Variants in CADM2 observed in about 807,000 individuals in gnomAD.
CADM2 encodes cell adhesion molecule 2.
CADM2 carries 12 observed loss-of-function variants against 49.8 expected under a neutral mutation model. The ratio of observed to expected loss-of-function variants is 0.24; its 90% confidence interval spans 0.15 to 0.39. The LOEUF (loss-of-function observed/expected upper bound fraction) is 0.39, where lower values mean the gene tolerates loss of function less well. Ranked by LOEUF, CADM2 falls within the 10% of genes least tolerant of loss-of-function variation. The pLI is 1.00. For missense variants in CADM2, 378 were observed against 492.3 expected, an observed-to-expected ratio of 0.77 and a Z score of 2.20; for synonymous variants, 214 against 175.4, an observed-to-expected ratio of 1.22 and a Z score of -1.74.
intron 1 of CADM2, among the ~76,000 whole-genome samples, chr3:85,456,660 A>G (rs1576589383): frequency 6.6e-6 from 1 of 152,054 alleles, no homozygotes; most frequent in Admixed American, 6.5e-5. Context: ...AATAAATTTT[A>G]CTTTGGTTTC....
chr3:85,836,417 A>T (rs1356971714), intron 3 of CADM2, among the ~76,000 whole-genome samples: 4 of 151,830 alleles, frequency 2.6e-5, no homozygotes, highest in South Asian at 4.1e-4. Context: ...AATAATTAAA[A>T]TTTTTTAGAA....
At chr3:85,010,500 A>G (rs2033936101) in intron 1 of CADM2, among the ~76,000 whole-genome samples, 1 of 152,170 alleles carries the variant, frequency 6.6e-6, no homozygotes, top group African/African-American at 2.4e-5. Context: ...CCATAATTCT[A>G]TTACTGACTT....
chr3:85,107,599 TTCTC>T (rs1280186648), intron 1 of CADM2, among the ~76,000 whole-genome samples: 1 of 149,320 alleles, frequency 6.7e-6, no homozygotes, highest in Non-Finnish European at 1.5e-5. Context: ...CTTTCTTTCT[TTCTC>T]TTTCTTTTTC....
At chr3:85,467,115 T>C (rs1038760046) in intron 1 of CADM2, among the ~76,000 whole-genome samples, 1 of 152,184 alleles carries the variant, frequency 6.6e-6, no homozygotes, top group African/African-American at 2.4e-5. Context: ...ACAAGAGATA[T>C]AGTTTTATTA....
chr3:85,506,786 T>C (rs1349449752), intron 1 of CADM2, among the ~76,000 whole-genome samples: 1 of 152,160 alleles, frequency 6.6e-6, no homozygotes, highest in Non-Finnish European at 1.5e-5. Flanking sequence ...TCATGAAAGA[T>C]GAAATACTGG....
intron 2 of CADM2, among the ~76,000 whole-genome samples, chr3:85,786,790 G>T (rs773472115): frequency 6.6e-6 from 1 of 151,906 alleles, no homozygotes; most frequent in Non-Finnish European, 1.5e-5. Flanking sequence ...AGCTTTATAC[G>T]TCTCACATTC....
chr3:85,843,550 ATATT>A (rs1216352555), intron 3 of CADM2, among the ~76,000 whole-genome samples: 1 of 152,122 alleles, frequency 6.6e-6, no homozygotes, highest in Non-Finnish European at 1.5e-5. Flanking sequence ...TCTCAAATAA[ATATT>A]TATATGAGGT....
At chr3:85,996,799 T>C (rs1438854644) in intron 8 of CADM2, among the ~76,000 whole-genome samples, 3 of 152,194 alleles carry the variant, frequency 2.0e-5, no homozygotes, top group Non-Finnish European at 4.4e-5. Context: ...AAGACAGTTA[T>C]TGAGATTAGT....
At chr3:85,413,164 T>TAAAAAAAAA (rs1164449868) in intron 1 of CADM2, among the ~76,000 whole-genome samples, 1 of 76,828 alleles carries the variant, frequency 1.3e-5, no homozygotes, top group African/African-American at 5.4e-5. Context: ...AAAAAAAAAA[T>TAAAAAAAAA]AATAATAATA....
At chr3:85,157,264 C>T (rs1449527672) in intron 1 of CADM2, among the ~76,000 whole-genome samples, 2 of 150,982 alleles carry the variant, frequency 1.3e-5, no homozygotes, top group African/African-American at 4.9e-5. Context: ...GCCATACTGC[C>T]CAAAGTAATT....
intron 8 of CADM2, among the ~76,000 whole-genome samples, chr3:86,021,411 T>C (rs1037689560): frequency 2.6e-5 from 4 of 152,214 alleles, no homozygotes; most frequent in Non-Finnish European, 5.9e-5. Context: ...ATATCAGTGA[T>C]GTACCTTAGC....
chr3:85,260,994 A>AT (rs1464164676), intron 1 of CADM2, among the ~76,000 whole-genome samples: 1 of 151,276 alleles, frequency 6.6e-6, no homozygotes, highest in Non-Finnish European at 1.5e-5. Context: ...AATAGTTGTG[A>AT]TTTTTTTCAT....
chr3:86,016,380 T>C lies in CADM2; in HGVS notation c.971-49225T>C, dbSNP rs541939919. On this transcript the variant is annotated intron_variant, in intron 8 of 9. Transcript: ENST00000383699. ...GTACCAATCTATCTCTTAAAAGTTT[T>C]CTAGATAAGAGAATAAGAGAAAATT... 2.0e-5 allele frequency among the ~76,000 whole-genome samples: 3 copies of C among 152,288 alleles called. No homozygotes were observed. In the East Asian group the frequency reaches 5.8e-4, roughly 29 times the overall value.
In CADM2 at chr3:84,959,331, A is replaced by C; in HGVS notation, c.-277A>C. 1 of 551,302 alleles carries C rather than the reference A, an allele frequency of 1.8e-6. No individual in the cohort carries two copies. Among genetic ancestry groups the C allele is most frequent in the East Asian group, 3.2e-5 (1 of 31,248 alleles). 34.2% of individuals were successfully genotyped at this position (551,302 alleles called of 1,614,324 possible). A position where few individuals can be genotyped will look rare whatever the true frequency, so the allele number is the denominator to read the frequency against. ...GCGCGCCGAGAGGAAGGCAAGCTCC[A>C]AACCCCTGCCTGGAAGACGGGCTGT... On this transcript the variant is annotated 5_prime_UTR_variant, in exon 1 of 10. Coordinates refer to ENST00000383699, the MANE Select transcript of CADM2 (RefSeq NM_001167675.2).
At chr3:85,253,147 G>T (rs1455803882) in intron 1 of CADM2, among the ~76,000 whole-genome samples, 1 of 151,902 alleles carries the variant, frequency 6.6e-6, no homozygotes, top group Non-Finnish European at 1.5e-5. Context: ...TGAGCCTTAG[G>T]TATTACTGGC....
chr3:85,926,705 C>T (rs1719924321), intron 6 of CADM2, among the ~76,000 whole-genome samples: 1 of 151,740 alleles, frequency 6.6e-6, no homozygotes, highest in African/African-American at 2.4e-5. Flanking sequence ...ATAAGAAGAA[C>T]CTGTTTTTAT....
chr3:85,460,246 T>C (rs2038178323), intron 1 of CADM2, among the ~76,000 whole-genome samples: 1 of 151,244 alleles, frequency 6.6e-6, no homozygotes, highest in Non-Finnish European at 1.5e-5. Context: ...AAGAAGGGAG[T>C]ATTTCTGAAT....
intron 1 of CADM2, among the ~76,000 whole-genome samples, chr3:85,067,773 C>T (rs760215799): frequency 6.6e-6 from 1 of 152,032 alleles, no homozygotes; most frequent in Non-Finnish European, 1.5e-5. Flanking sequence ...ATCTAAGCTG[C>T]CTTTATTTTT....
chr3:85,471,726 A>ATTT (rs1559857376), intron 1 of CADM2, among the ~76,000 whole-genome samples: 1 of 39,372 alleles, frequency 2.5e-5, no homozygotes, highest in Non-Finnish European at 6.0e-5. Context: ...TTATTTTATT[A>ATTT]TACTTTAAGT....
Sources: gnomAD v4.1 joint callset for allele counts (sites outside exome capture counted in the v4.1 genomes callset) on GRCh38, gnomAD v4.1.1 for gene constraint, MANE v1.5 for transcripts, NCBI Gene and HGNC (gene_info 2026-07-23, HGNC 2026-07-21) for gene names.